Variants in DGKB observed in about 807,000 individuals in gnomAD.
DGKB encodes diacylglycerol kinase beta, also known as 90 kDa diacylglycerol kinase.
Under a neutral mutation model 114.3 loss-of-function variants are expected in DGKB, and 67 were observed. That is an observed-to-expected ratio of 0.59 (90% confidence interval 0.48 to 0.72). The LOEUF (loss-of-function observed/expected upper bound fraction) is 0.72, where lower values mean the gene tolerates loss of function less well. Among genes scored for constraint, DGKB ranks in the 30% least tolerant of loss-of-function variants. The pLI, the probability that DGKB is intolerant of heterozygous loss-of-function variation, is 0.00. For missense variants in DGKB, 907 were observed against 975.2 expected, an observed-to-expected ratio of 0.93 and a Z score of 0.93; for synonymous variants, 398 against 323.1, an observed-to-expected ratio of 1.23 and a Z score of -2.49.
chr7:14,921,000 T>C (rs142320172), intron 1 of DGKB, among the ~76,000 whole-genome samples: 252 of 152,268 alleles, frequency 1.7e-3, no homozygotes, highest in African/African-American at 5.5e-3. Context: ...ATTTGTTACA[T>C]AGGTAAATTG....
chr7:14,216,623 G>T (rs753926500), intron 23 of DGKB, among the ~76,000 whole-genome samples: 15 of 151,490 alleles, frequency 9.9e-5, no homozygotes, highest in Middle Eastern at 3.4e-3. Context: ...CTACCCGGGA[G>T]GCTGAAGCAG....
upstream of DGKB, among the ~76,000 whole-genome samples, chr7:14,907,070 C>T (rs973847332): frequency 6.6e-6 from 1 of 152,172 alleles, no homozygotes; most frequent in African/African-American, 2.4e-5. Flanking sequence ...AAGTGCCATA[C>T]GGGAGCTTTT....
At chr7:14,284,181 T>C (rs905829038) in intron 23 of DGKB, among the ~76,000 whole-genome samples, 13 of 150,358 alleles carry the variant, frequency 8.6e-5, no homozygotes, top group African/African-American at 2.0e-4. Flanking sequence ...AAAAACAACC[T>C]CATCAAAAAG....
chr7:14,376,438 T>A (rs977822413), intron 21 of DGKB, among the ~76,000 whole-genome samples: 1 of 152,180 alleles, frequency 6.6e-6, no homozygotes, highest in African/African-American at 2.4e-5. Context: ...ATCACAAAAA[T>A]AACCTTACAT....
At chr7:14,729,730 C>T (rs892427494) in intron 5 of DGKB, among the ~76,000 whole-genome samples, 5 of 152,054 alleles carry the variant, frequency 3.3e-5, no homozygotes, top group African/African-American at 9.7e-5. Flanking sequence ...ACTCTTTTCT[C>T]CACATAGTCA....
At chr7:14,398,629 T>G (rs1486776445) in intron 21 of DGKB, among the ~76,000 whole-genome samples, 1 of 151,998 alleles carries the variant, frequency 6.6e-6, no homozygotes, top group Non-Finnish European at 1.5e-5. Flanking sequence ...AGTAAAAGAT[T>G]TAGTAGTAAC....
chr7:14,234,718 A>G (rs10241087), intron 23 of DGKB, among the ~76,000 whole-genome samples: 39,472 of 151,952 alleles, frequency 0.26, 7,014 homozygotes, highest in African/African-American at 0.51. Context: ...TTCTATTGGC[A>G]GCAGTAAAAT....
chr7:14,592,037 T>A (rs1801789280), intron 17 of DGKB, among the ~76,000 whole-genome samples: 1 of 151,864 alleles, frequency 6.6e-6, no homozygotes, highest in Non-Finnish European at 1.5e-5. Flanking sequence ...TACTATCGCT[T>A]ACATACAATG....
intron 1 of DGKB, among the ~76,000 whole-genome samples, chr7:14,888,388 C>T (rs1409942363): frequency 8.6e-5 from 13 of 151,658 alleles, no homozygotes; most frequent in African/African-American, 1.7e-4. Flanking sequence ...TTAAAAAGTC[C>T]TCTTCCTTAC....
intron 5 of DGKB, among the ~76,000 whole-genome samples, chr7:14,728,314 G>C (rs577714163): frequency 6.6e-6 from 1 of 152,022 alleles, no homozygotes; most frequent in East Asian, 1.9e-4. Context: ...TTATTTTCTG[G>C]CTTAAAATCT....
chr7:14,711,361 C>G (rs1311347064), intron 6 of DGKB, among the ~76,000 whole-genome samples: 1 of 152,022 alleles, frequency 6.6e-6, no homozygotes, highest in African/African-American at 2.4e-5. Flanking sequence ...TAGAACTTTT[C>G]TTTCATCCAG....
intron 2 of DGKB, among the ~76,000 whole-genome samples, chr7:14,802,864 T>C (rs997648069): frequency 6.6e-6 from 1 of 152,186 alleles, no homozygotes; most frequent in Non-Finnish European, 1.5e-5. Flanking sequence ...CATATTTATA[T>C]GTTCACATAG....
At chr7:14,699,885 C>A (rs1422054002) in intron 7 of DGKB, among the ~76,000 whole-genome samples, 2 of 148,554 alleles carry the variant, frequency 1.3e-5, no homozygotes, top group African/African-American at 5.0e-5. Context: ...TATATGCTAA[C>A]AAAAAATGGG....
intron 1 of DGKB, among the ~76,000 whole-genome samples, chr7:14,851,922 GCC>G (rs1012976061): frequency 2.0e-5 from 3 of 152,110 alleles, no homozygotes; most frequent in African/African-American, 7.2e-5. Context: ...CTGCCTAGTA[GCC>G]CCATTCTCCA....
chr7:14,336,765 T>C (rs921254847), intron 23 of DGKB, among the ~76,000 whole-genome samples: 16 of 152,114 alleles, frequency 1.1e-4, no homozygotes, highest in South Asian at 1.0e-3. Context: ...GTAAATGACA[T>C]GTATGCAGCA....
At chr7:14,155,195 G>C (rs1782819828) in intron 25 of DGKB, among the ~76,000 whole-genome samples, 1 of 152,044 alleles carries the variant, frequency 6.6e-6, no homozygotes, top group Admixed American at 6.6e-5. Context: ...ATGAATGAAA[G>C]TCCCTTTTTC....
intron 1 of DGKB, among the ~76,000 whole-genome samples, chr7:14,946,836 G>C (rs778288374): frequency 6.6e-6 from 1 of 151,658 alleles, no homozygotes; most frequent in Non-Finnish European, 1.5e-5. Flanking sequence ...TTTGAATCAA[G>C]TTCTTCAATC....
intron 17 of DGKB, among the ~76,000 whole-genome samples, chr7:14,583,543 T>C (rs1800272849): frequency 6.6e-6 from 1 of 152,220 alleles, no homozygotes; most frequent in Admixed American, 6.6e-5. Flanking sequence ...AGTGAATATA[T>C]AAATGTGACA....
At chr7:14,744,607 T>A (rs1282955980) in intron 4 of DGKB, among the ~76,000 whole-genome samples, 1 of 152,220 alleles carries the variant, frequency 6.6e-6, no homozygotes, top group African/African-American at 2.4e-5. Context: ...AGATTCCTTA[T>A]GGAACAGAAT....
Sources: gnomAD v4.1 joint callset for allele counts (sites outside exome capture counted in the v4.1 genomes callset) on GRCh38, gnomAD v4.1.1 for gene constraint, MANE v1.5 for transcripts, NCBI Gene and HGNC (gene_info 2026-07-23, HGNC 2026-07-21) for gene names.